The following ADGRL3 variants were observed in gnomAD, a reference collection of about 807,000 sequenced individuals.
The protein encoded by ADGRL3 is adhesion G protein-coupled receptor L3.
ADGRL3 carries 62 observed loss-of-function variants against 153.5 expected under a neutral mutation model. That is an observed-to-expected ratio of 0.40 (90% CI 0.33 to 0.50). The LOEUF is 0.50. Among genes scored for constraint, ADGRL3 ranks in the 20% least tolerant of loss-of-function variants. The pLI, the probability that ADGRL3 is intolerant of heterozygous loss-of-function variation, is 0.47. For synonymous variants in ADGRL3, 710 were observed against 672.5 expected (o/e 1.06, Z -0.86); for missense variants, 1,641 against 1,859.4 (o/e 0.88, Z 2.16).
At chr4:61,971,919 A>AT (rs1316895236) in intron 17 of ADGRL3, among the ~76,000 whole-genome samples, 1 of 151,994 alleles carries the variant, frequency 6.6e-6, no homozygotes, top group African/African-American at 2.4e-5. Context: ...GATGGTGAGC[A>AT]TTTTTTCATG....
At chr4:62,029,759 C>T (rs1720943451) in intron 22 of ADGRL3, among the ~76,000 whole-genome samples, 1 of 149,580 alleles carries the variant, frequency 6.7e-6, no homozygotes, top group African/African-American at 2.5e-5. Flanking sequence ...CCAATTAACC[C>T]TTGGGCCCAT....
At chr4:61,854,448 G>T (rs2098241011) in intron 9 of ADGRL3, among the ~76,000 whole-genome samples, 1 of 152,104 alleles carries the variant, frequency 6.6e-6, no homozygotes, top group Non-Finnish European at 1.5e-5. Context: ...CAAACTAAAA[G>T]ATCTCTCATG....
chr4:61,515,832 G>A (rs2098490389), intron 3 of ADGRL3, among the ~76,000 whole-genome samples: 1 of 152,094 alleles, frequency 6.6e-6, no homozygotes, highest in Non-Finnish European at 1.5e-5. Flanking sequence ...AATGAAGAGA[G>A]GGATATCTTA....
intron 9 of ADGRL3, among the ~76,000 whole-genome samples, chr4:61,820,532 A>T (rs1343124566): frequency 6.6e-6 from 1 of 152,218 alleles, no homozygotes; most frequent in Non-Finnish European, 1.5e-5. Context: ...CTCTTGCCAT[A>T]CGTCTCATTA....
At chr4:61,792,310 CT>C (rs1278578774) in intron 8 of ADGRL3, among the ~76,000 whole-genome samples, 9 of 152,114 alleles carry the variant, frequency 5.9e-5, no homozygotes, top group Non-Finnish European at 1.3e-4. Context: ...CCACCAATCT[CT>C]TTGCTAAAAC....
chr4:61,800,365 T>C (rs1169858426), intron 8 of ADGRL3, among the ~76,000 whole-genome samples: 1 of 152,176 alleles, frequency 6.6e-6, no homozygotes, highest in Non-Finnish European at 1.5e-5. Context: ...TCAGGAAGAA[T>C]GACTGCTGTT....
intron 19 of ADGRL3, 36 bp from the exon 20 acceptor site, chr4:61,996,255 C>T: frequency 6.9e-7 from 1 of 1,449,760 alleles, no homozygotes; most frequent in South Asian, 1.1e-5. Flanking sequence ...CATACCCAGT[C>T]CTTGAATACC....
At chr4:61,498,954 A>C (rs2098352704) in intron 3 of ADGRL3, among the ~76,000 whole-genome samples, 1 of 152,186 alleles carries the variant, frequency 6.6e-6, no homozygotes, top group African/African-American at 2.4e-5. Context: ...TGTTGATGAT[A>C]ATTATAGCAA....
chr4:61,365,015 A>G (rs1265042142), intron 1 of ADGRL3, among the ~76,000 whole-genome samples: 12 of 152,176 alleles, frequency 7.9e-5, no homozygotes, highest in Non-Finnish European at 1.6e-4. Context: ...ATACTAGGAT[A>G]TTCTCTAAAA....
chr4:61,720,875 G>A (rs1439015936), intron 6 of ADGRL3, among the ~76,000 whole-genome samples: 1 of 152,118 alleles, frequency 6.6e-6, no homozygotes, highest in Non-Finnish European at 1.5e-5. Flanking sequence ...ATAGCACAGA[G>A]GTTTAGTGCA....
At chr4:61,477,776 T>C (rs2098083435) in intron 2 of ADGRL3, among the ~76,000 whole-genome samples, 1 of 152,146 alleles carries the variant, frequency 6.6e-6, no homozygotes, top group Non-Finnish European at 1.5e-5. Flanking sequence ...TGTCTTTATC[T>C]CTATTATTTT....
At position 61,898,970 on chromosome 4, in the gene ADGRL3, C is replaced by T. The variant is rs535197406; in HGVS notation, c.1887+3136C>T. Reference sequence around the variant, plus strand: ...TCCACTTGGCAGGCCACGTTGCCTGCTCCTTACTGTACACATGGCTGGGAA... The same window carrying T: ...TCCACTTGGCAGGCCACGTTGCCTGTTCCTTACTGTACACATGGCTGGGAA... On this transcript the variant is annotated intron_variant, in intron 11 of 26. Transcript: ENST00000683033. 3.8e-4 allele frequency among the ~76,000 whole-genome samples: 57 copies of T among 151,980 alleles called. No individual in the cohort carries two copies. In the Middle Eastern group the frequency reaches 0.01, roughly 27 times the overall value.
At chr4:61,480,872 T>TGA (rs1331594920) in intron 2 of ADGRL3, among the ~76,000 whole-genome samples, 1 of 152,134 alleles carries the variant, frequency 6.6e-6, no homozygotes, top group Non-Finnish European at 1.5e-5. Context: ...GACATACAAA[T>TGA]GGCCAACAAG....
At chr4:61,381,461 A>G (rs1294422978) in intron 1 of ADGRL3, among the ~76,000 whole-genome samples, 1 of 151,872 alleles carries the variant, frequency 6.6e-6, no homozygotes, top group Non-Finnish European at 1.5e-5. Flanking sequence ...AGCAATTCAT[A>G]TTGTAGTGTA....
intron 4 of ADGRL3, among the ~76,000 whole-genome samples, chr4:61,564,192 A>G (rs2098807204): frequency 6.6e-6 from 1 of 151,354 alleles, no homozygotes; most frequent in Non-Finnish European, 1.5e-5. Flanking sequence ...TTTTATCCAG[A>G]CCGTTGAAAC....
intron 5 of ADGRL3, among the ~76,000 whole-genome samples, chr4:61,635,970 G>T (rs1021862540): frequency 6.6e-6 from 1 of 151,948 alleles, no homozygotes; most frequent in Non-Finnish European, 1.5e-5. Context: ...CATCTTAATG[G>T]CCTCATTTAA....
chr4:61,339,617 A>G (rs550943033), intron 1 of ADGRL3, among the ~76,000 whole-genome samples: 5 of 152,318 alleles, frequency 3.3e-5, no homozygotes, highest in Middle Eastern at 3.4e-3. Flanking sequence ...GAGACTTCAT[A>G]TGTTTTTTAA....
chr4:61,314,509 C>G (rs1013294935), intron 1 of ADGRL3, among the ~76,000 whole-genome samples: 1 of 152,172 alleles, frequency 6.6e-6, no homozygotes, highest in African/African-American at 2.4e-5. Flanking sequence ...CGCTGGGCCC[C>G]CTACCTTGAT....
At chr4:61,861,924 C>A (rs1204834294) in intron 9 of ADGRL3, among the ~76,000 whole-genome samples, 2 of 152,136 alleles carry the variant, frequency 1.3e-5, no homozygotes, top group Admixed American at 1.3e-4. Flanking sequence ...CACAACACAG[C>A]TTCTACTTTC....
Sources: allele counts gnomAD v4.1 joint callset (sites outside exome capture counted in the v4.1 genomes callset), GRCh38; gene constraint gnomAD v4.1.1; transcripts MANE v1.5; gene names NCBI Gene and HGNC (gene_info 2026-07-23, HGNC 2026-07-21).